CYRIA: variants seen among roughly 807,000 people sequenced by gnomAD.
CYRIA encodes the protein CYFIP-related Rac1 interactor A.
Under a neutral mutation model 43.9 loss-of-function variants are expected in CYRIA, and 15 were observed. That is an observed-to-expected ratio of 0.34 (90% CI 0.23 to 0.53). The LOEUF is 0.53. Among genes scored for constraint, CYRIA ranks in the 20% least tolerant of loss-of-function variants. The pLI is 0.94. For synonymous variants in CYRIA, 117 were observed against 136.0 expected (o/e 0.86, Z 0.97); for missense variants, 236 against 394.2 (o/e 0.60, Z 3.40).
At chr2:16,598,367 A>C (rs1444514123) in intron 2 of CYRIA, among the ~76,000 whole-genome samples, 2 of 86,894 alleles carry the variant, frequency 2.3e-5, no homozygotes, top group Non-Finnish European at 4.2e-5. Flanking sequence ...TTTCAGGTAC[A>C]CCAATCAGAC....
rs923125125 is a variant in CYRIA, at chr2:16,552,342, T to C, written c.*594A>G. On this transcript the variant is annotated 3_prime_UTR_variant, in exon 12 of 12. Coordinates refer to ENST00000381323, the MANE Select transcript of CYRIA (RefSeq NM_030797.4). ...TTCATGTGAAATTAAAGGAGAACAT[T>C]AGAGGGATATAAATCCAAACAGAAA... 1 of 152,116 alleles carries C rather than the reference T, an allele frequency of 6.6e-6. No homozygotes were observed. Among genetic ancestry groups the C allele is most frequent in the African/African-American group, 2.4e-5 (1 of 41,416 alleles). The allele number at this position is 152,116 out of a possible 1,614,324, so 9.4% of individuals were successfully genotyped here. A position where few individuals can be genotyped will look rare whatever the true frequency, so the allele number is the denominator to read the frequency against.
At chr2:16,608,818 C>A (rs1668498488) in intron 2 of CYRIA, among the ~76,000 whole-genome samples, 1 of 152,176 alleles carries the variant, frequency 6.6e-6, no homozygotes, top group African/African-American at 2.4e-5. Context: ...ATAAATCCTG[C>A]ACTGTTGCTT....
chr2:16,663,708 A>T (rs1670321870), intron 1 of CYRIA, among the ~76,000 whole-genome samples: 1 of 152,086 alleles, frequency 6.6e-6, no homozygotes, highest in Non-Finnish European at 1.5e-5. Context: ...CTCTGCTCTC[A>T]GCTGGGGTCC....
In CYRIA at chr2:16,659,687, G is replaced by A. The variant is rs75868683; in HGVS notation, c.-167+6093C>T. Among the ~76,000 whole-genome samples, 34 of 152,306 alleles carry A rather than the reference G, an allele frequency of 2.2e-4. No individual in the cohort carries two copies. The East Asian group carries it at 4.8e-3, about 22-fold the overall frequency. ...AAGGCCTGCATCTGGTTGCCAATGC[G>A]AATGAGAGAACTTGAAGAGTGTTGG... On this transcript the variant is annotated intron_variant, in intron 1 of 11. Coordinates refer to ENST00000381323, the MANE Select transcript of CYRIA (RefSeq NM_030797.4).
intron 3 of CYRIA, among the ~76,000 whole-genome samples, chr2:16,576,164 A>G (rs1667339390): frequency 6.6e-6 from 1 of 152,200 alleles, no homozygotes; most frequent in Admixed American, 6.5e-5. Flanking sequence ...ATTCAACGAT[A>G]TAGTTCCTGT....
At chr2:16,559,068 A>G (rs975861128) in intron 10 of CYRIA, among the ~76,000 whole-genome samples, 1 of 152,120 alleles carries the variant, frequency 6.6e-6, no homozygotes, top group Non-Finnish European at 1.5e-5. Flanking sequence ...GTGAAAGGTA[A>G]TTTGGGATTT....
chr2:16,616,574 C>G (rs60918822), intron 2 of CYRIA, among the ~76,000 whole-genome samples: 4,533 of 152,316 alleles, frequency 0.03, 98 homozygotes, highest in Middle Eastern at 0.058. Context: ...CTAGGGATGT[C>G]TGCCGGGTGT....
intron 1 of CYRIA, among the ~76,000 whole-genome samples, chr2:16,655,315 G>A (rs1440336433): frequency 1.3e-5 from 2 of 152,134 alleles, no homozygotes; most frequent in Non-Finnish European, 2.9e-5. Flanking sequence ...ACCCAGGAAT[G>A]GCTTTAGACT....
chr2:16,617,460 A>G (rs776605131), intron 2 of CYRIA, among the ~76,000 whole-genome samples: 2 of 152,248 alleles, frequency 1.3e-5, no homozygotes, highest in Non-Finnish European at 2.9e-5. Context: ...GTTCTCCTAG[A>G]TTCCAACCCA....
intron 3 of CYRIA, among the ~76,000 whole-genome samples, chr2:16,572,990 T>A (rs1326460920): frequency 4.6e-5 from 7 of 152,218 alleles, no homozygotes; most frequent in Non-Finnish European, 8.8e-5. Flanking sequence ...CAAGAGATCA[T>A]GTTCTTCCAA....
chr2:16,554,979 A>C, intron 11 of CYRIA, 90 bp downstream of exon 11: 1 of 901,464 alleles, frequency 1.1e-6, no homozygotes, highest in Non-Finnish European at 1.7e-6. Flanking sequence ...GCAAGGGTTA[A>C]GTTTGGTGCT....
Position 16,552,215 on chromosome 2 carries a change from C to A in CYRIA, c.*721G>T, listed in dbSNP as rs1159528074. The stretch of plus-strand genomic sequence containing the variant: ...TGAGTGCACCTCTGAGGACCTGTCT[C>A]CCAGTTCCAAGACAGCCACCTTCAT... On this transcript the variant is annotated 3_prime_UTR_variant, in exon 12 of 12. Transcript: ENST00000381323. The A allele has an allele frequency of 6.6e-6, 1 of 152,066 alleles. No homozygotes were observed. The highest frequency in any genetic ancestry group is 2.4e-5 in the African/African-American group (1 of 41,398). The allele number at this position is 152,066 out of a possible 1,614,324, so 9.4% of individuals were successfully genotyped here.
At chr2:16,660,728 T>A (rs1670230560) in intron 1 of CYRIA, among the ~76,000 whole-genome samples, 1 of 152,200 alleles carries the variant, frequency 6.6e-6, no homozygotes, top group Non-Finnish European at 1.5e-5. Context: ...AAAATCTAAT[T>A]ATCTATGCCA....
chr2:16,611,117 T>C (rs550914693), intron 2 of CYRIA, among the ~76,000 whole-genome samples: 84 of 151,486 alleles, frequency 5.5e-4, no homozygotes, highest in African/African-American at 1.4e-3. Context: ...CCCAGCACTT[T>C]GGGAGGCTGA....
intron 1 of CYRIA, among the ~76,000 whole-genome samples, chr2:16,665,374 C>G (rs1670362281): frequency 6.6e-6 from 1 of 151,620 alleles, no homozygotes; most frequent in Non-Finnish European, 1.5e-5. Flanking sequence ...CCCTTTGGGG[C>G]TGTAGAGAGT....
At chr2:16,553,899 A>C (rs1290409807) in intron 11 of CYRIA, among the ~76,000 whole-genome samples, 5 of 152,102 alleles carry the variant, frequency 3.3e-5, no homozygotes, top group Non-Finnish European at 5.9e-5. Flanking sequence ...ATAGAAAGTC[A>C]TCCTGGGTGT....
At chr2:16,631,444 A>G (rs778762154) in intron 1 of CYRIA, among the ~76,000 whole-genome samples, 53 of 152,212 alleles carry the variant, frequency 3.5e-4, no homozygotes, top group Admixed American at 9.2e-4. Flanking sequence ...GGAGGACTTT[A>G]CACATACTGA....
chr2:16,622,255 A>G (rs1669019971), intron 2 of CYRIA, among the ~76,000 whole-genome samples: 1 of 152,196 alleles, frequency 6.6e-6, no homozygotes, highest in Non-Finnish European at 1.5e-5. Flanking sequence ...GGGCTAGGAA[A>G]GTAGTAGTTC....
At chr2:16,600,603 T>C (rs967939610) in intron 2 of CYRIA, among the ~76,000 whole-genome samples, 1 of 152,168 alleles carries the variant, frequency 6.6e-6, no homozygotes, top group Admixed American at 6.5e-5. Context: ...TCCTGATAAA[T>C]CATAAGTACT....
Sources: allele counts gnomAD v4.1 joint callset (sites outside exome capture counted in the v4.1 genomes callset), GRCh38; gene constraint gnomAD v4.1.1; transcripts MANE v1.5; gene names NCBI Gene and HGNC (gene_info 2026-07-23, HGNC 2026-07-21).